Variants in KIF26B observed in about 807,000 individuals in gnomAD.
KIF26B encodes kinesin-like protein KIF26B.
KIF26B carries 63 observed loss-of-function variants against 151.2 expected under a neutral mutation model. The observed-to-expected ratio is 0.42, with a 90% CI of 0.34 to 0.51. The LOEUF is 0.51. KIF26B is among the 20% of genes least tolerant of loss of function. The pLI, the probability that KIF26B is intolerant of heterozygous loss-of-function variation, is 0.07. For missense variants in KIF26B, 2,813 were observed against 2,913.6 expected, an observed-to-expected ratio of 0.97 and a Z score of 0.79; for synonymous variants, 1,357 against 1,262.1, an observed-to-expected ratio of 1.08 and a Z score of -1.59.
At chr1:245,463,700 A>G (rs1209568601) in intron 4 of KIF26B, among the ~76,000 whole-genome samples, 3 of 152,180 alleles carry the variant, frequency 2.0e-5, no homozygotes, top group African/African-American at 7.2e-5. Flanking sequence ...GTCCATCTCC[A>G]GGGCCACCAA....
chr1:245,504,030 C>A lies in KIF26B; in HGVS notation c.1167-36737C>A, dbSNP rs72762846. Among the ~76,000 whole-genome samples, 754 of 152,254 alleles carry A rather than the reference C, an allele frequency of 5.0e-3. 4 individuals carry two copies. Among genetic ancestry groups the A allele is most frequent in the Non-Finnish European group, 8.8e-3 (600 of 68,018 alleles). ...TCCTGCTTCGGTCGTTTTCGTATCC[C>A]CTAGGGGCTGCTGAATAAAGTACTA... On this transcript the variant is annotated intron_variant, in intron 4 of 14. Coordinates refer to ENST00000407071, the MANE Select transcript of KIF26B (RefSeq NM_018012.4).
intron 5 of KIF26B, among the ~76,000 whole-genome samples, chr1:245,552,408 T>C (rs1309401216): frequency 6.8e-6 from 1 of 146,928 alleles, no homozygotes; most frequent in Non-Finnish European, 1.5e-5. Flanking sequence ...ACTCAGCTGA[T>C]TTAAATGTTA....
At chr1:245,158,779 A>G (rs965897705) in intron 2 of KIF26B, among the ~76,000 whole-genome samples, 2 of 152,036 alleles carry the variant, frequency 1.3e-5, no homozygotes, top group African/African-American at 4.8e-5. Context: ...ATTGTTAGTA[A>G]TGAGATGTGG....
chr1:245,228,808 T>C (rs1397648690), intron 2 of KIF26B, among the ~76,000 whole-genome samples: 2 of 152,206 alleles, frequency 1.3e-5, no homozygotes, highest in East Asian at 3.9e-4. Flanking sequence ...GCACGCCTAG[T>C]AGTGATGGAG....
chr1:245,665,608 G>T (rs2044203904), intron 10 of KIF26B, among the ~76,000 whole-genome samples: 1 of 152,178 alleles, frequency 6.6e-6, no homozygotes, highest in African/African-American at 2.4e-5. Flanking sequence ...TCTCTGGGTA[G>T]AATTAGAACT....
At chr1:245,477,156 G>A (rs1660057534) in intron 4 of KIF26B, among the ~76,000 whole-genome samples, 1 of 151,876 alleles carries the variant, frequency 6.6e-6, no homozygotes, top group Admixed American at 6.6e-5. Context: ...TAATTATGTG[G>A]GATTAGTCAT....
chr1:245,306,984 G>A (rs1357393829), intron 2 of KIF26B, among the ~76,000 whole-genome samples: 2 of 152,174 alleles, frequency 1.3e-5, no homozygotes, highest in Admixed American at 1.3e-4. Context: ...ATAGGATACT[G>A]TTTTTACTAA....
chr1:245,630,393 T>C (rs1477060780), intron 9 of KIF26B, among the ~76,000 whole-genome samples: 2 of 152,166 alleles, frequency 1.3e-5, no homozygotes, highest in Non-Finnish European at 2.9e-5. Context: ...CATGGAATAC[T>C]ATGCAGCCAT....
intron 2 of KIF26B, among the ~76,000 whole-genome samples, chr1:245,184,047 G>GTTTTTTTTTTTT (rs1469137088): frequency 2.9e-3 from 27 of 9,232 alleles, no homozygotes; most frequent in Admixed American, 7.5e-3. Flanking sequence ...GGTGGGAGTT[G>GTTTTTTTTTTTT]TTGTTTTTTT....
At chr1:245,652,140 GTGT>G (rs1558252872) in intron 10 of KIF26B, among the ~76,000 whole-genome samples, 16 of 132,470 alleles carry the variant, frequency 1.2e-4, no homozygotes, top group South Asian at 2.4e-4. Context: ...GTGTGTGTGT[GTGT>G]GTGAGAGAGA....
chr1:245,419,734 C>T lies in KIF26B; in HGVS notation c.1155C>T (p.Ser385=). ...ETSTGTSVAA[S]FFARAAQKLN... ...CCACAGGCACATCGGTGGCCGCCTC[C>T]TTCTTTGCACGGTAAGAGAGCTGTT... The change falls in exon 4 of 15, where the codon TCC becomes TCT. Residue 385 remains serine, a synonymous_variant. Transcript: ENST00000407071. The T allele has an allele frequency of 6.2e-7, 1 of 1,611,674 alleles. No homozygotes were observed. Among genetic ancestry groups the T allele is most frequent in the Non-Finnish European group, 8.5e-7 (1 of 1,178,836 alleles).
chr1:245,609,367 G>A lies in KIF26B; in HGVS notation c.1753G>A (p.Glu585Lys). ...CTTCAAGCTCATAAACGAACGCAAG[G>A]AAAAGACCGGCGCCCGTTTCTCAGT... is the stretch of plus-strand genomic sequence containing the variant. Reference protein sequence around the residue: ...WLFKLINERKEKTGARFSVRV... With the variant: ...WLFKLINERKKKTGARFSVRV... The change falls in exon 8 of 15, where the codon GAA becomes AAA. Residue 585 changes from glutamate to lysine, a missense_variant. By Grantham distance (56) the Glu-to-Lys change is moderately conservative (BLOSUM62 1). This residue lies in a region of KIF26B where 77 missense variants were observed against 136.9 expected (regional missense o/e 0.56). Coordinates refer to ENST00000407071, the MANE Select transcript of KIF26B (RefSeq NM_018012.4). The A allele has an allele frequency of 6.2e-7, 1 of 1,610,442 alleles. No individual in the cohort carries two copies. The highest frequency in any genetic ancestry group is 8.5e-7 in the Non-Finnish European group (1 of 1,178,436).
rs908524918 is a variant in KIF26B, at chr1:245,244,418, C to T, written c.465+87735C>T. 3.9e-5 allele frequency among the ~76,000 whole-genome samples: 6 copies of T among 152,156 alleles called. 1 individual carries two copies. In the East Asian group the frequency reaches 5.8e-4, roughly 15 times the overall value. On this transcript the variant is annotated intron_variant, in intron 2 of 14. Transcript: ENST00000407071. This position sits in a 1 kb window ranked among gnomAD's most constrained non-coding sequence, Gnocchi z 4.2. ...TGATATGTAGTGGGTGGGTAAAATC[C>T]GTGAAAGGGTGAGTATTTTGCTTTT...
Position 245,687,053 on chromosome 1 carries a change from T to G in KIF26B, c.4070T>G (p.Ile1357Ser). Residue 1357 changes from isoleucine to serine, a missense_variant, in exon 12 of 15, where the codon ATC becomes AGC. Physicochemically the swap from Ile to Ser is moderately radical, Grantham distance 142 (BLOSUM62 -2). Coordinates refer to ENST00000407071, the MANE Select transcript of KIF26B (RefSeq NM_018012.4). This position sits in a 1 kb window ranked among gnomAD's most constrained non-coding sequence, Gnocchi z 4.9. ...GACTCTTTCAACAAAGCAGCCCCCA[T>G]CAAAGGCTGCAAAATATCCACAGTG... ...GDDSFNKAAP[I>S]KGCKISTVSK... The G allele has an allele frequency of 1.2e-6, 2 of 1,613,318 alleles. No individual in the cohort carries two copies. The highest frequency in any genetic ancestry group is 1.7e-6 in the Non-Finnish European group (2 of 1,179,804).
chr1:245,155,849 C>T (rs1227231760), intron 1 of KIF26B, among the ~76,000 whole-genome samples: 2 of 152,166 alleles, frequency 1.3e-5, no homozygotes, highest in Admixed American at 6.5e-5. Context: ...CTGCAGGATC[C>T]GGAGAGTTGG....
chr1:245,278,137 T>G lies in KIF26B; in HGVS notation c.466-88697T>G, dbSNP rs192222116. Among the ~76,000 whole-genome samples the G allele has an allele frequency of 2.0e-5, 3 of 152,252 alleles. No individual in the cohort carries two copies. The East Asian group carries it at 5.8e-4, about 30-fold the overall frequency. On this transcript the variant is annotated intron_variant, in intron 2 of 14. Transcript: ENST00000407071. ...ACAAAAGGAAGAACTGTACCTGCAT[T>G]AGAGTGCTATAATTTTCCCCAAGTA...
At chr1:245,180,100 G>A (rs1453380032) in intron 2 of KIF26B, among the ~76,000 whole-genome samples, 1 of 152,250 alleles carries the variant, frequency 6.6e-6, no homozygotes, top group African/African-American at 2.4e-5. Context: ...CTGGAGACAG[G>A]CAAGAGGCTG....
At chr1:245,182,338 T>G (rs1228477402) in intron 2 of KIF26B, among the ~76,000 whole-genome samples, 1 of 151,574 alleles carries the variant, frequency 6.6e-6, no homozygotes, top group Non-Finnish European at 1.5e-5. Context: ...TGAGGCCTTT[T>G]GCAGATGGCT....
At chr1:245,312,143 A>T (rs1040566236) in intron 2 of KIF26B, among the ~76,000 whole-genome samples, 3 of 147,012 alleles carry the variant, frequency 2.0e-5, no homozygotes, top group Admixed American at 7.0e-5. Flanking sequence ...GAATTGGAGG[A>T]TCCTGATGAA....
Sources: gnomAD v4.1 joint callset for allele counts (sites outside exome capture counted in the v4.1 genomes callset) on GRCh38, gnomAD v4.1.1 for gene constraint, gnomAD v4.1.1 regional missense constraint, Gnocchi (gnomAD v3.1) non-coding constraint, MANE v1.5 for transcripts, NCBI Gene and HGNC (gene_info 2026-07-23, HGNC 2026-07-21) for gene names.